The following DLEC1 variants were observed in gnomAD, a reference collection of about 807,000 sequenced individuals.
The protein encoded by DLEC1 is deleted in lung and esophageal cancer protein 1.
A neutral mutation model predicts 198.1 loss-of-function variants in DLEC1; 146 were observed. The observed-to-expected ratio is 0.74, with a 90% CI of 0.64 to 0.85. DLEC1 has a LOEUF of 0.85. DLEC1 is among the 40% of genes least tolerant of loss of function. The pLI is 0.00. For missense variants in DLEC1, 2,233 were observed against 2,220.0 expected (o/e 1.01, Z -0.12); for synonymous variants, 897 against 866.8 (o/e 1.03, Z -0.61).
Position 38,107,614 on chromosome 3 carries a change from G to T in DLEC1, c.2895G>T (p.Lys965Asn). Residue 965 changes from lysine to asparagine, a missense_variant, in exon 20 of 37, where the codon AAG (lysine) becomes AAT (asparagine). Physicochemically the swap from Lys to Asn is moderately conservative, Grantham distance 94 (BLOSUM62 0). Coordinates refer to ENST00000308059, the MANE Select transcript of DLEC1 (RefSeq NM_007335.4). ...TTCCTGTGTATGCTGAGGTACAGAA[G>T]CCCCATGTGTACCTACAGAGCAGCC... ...SYLPVYAEVQ[K>N]PHVYLQSSQV... is the part of the protein sequence containing the mutation. 6.2e-7 allele frequency: 1 copy of T among 1,613,316 alleles called. No homozygotes were observed. The highest frequency in any genetic ancestry group is 1.1e-5 in the South Asian group (1 of 90,950).
At chr3:38,113,974 C>T (rs1297250432) in intron 25 of DLEC1, among the ~76,000 whole-genome samples, 2 of 151,832 alleles carry the variant, frequency 1.3e-5, no homozygotes, top group African/African-American at 4.8e-5. Context: ...CTACCAGAGG[C>T]CGAAGAGCCT....
rs1395479658 is a variant in DLEC1, at chr3:38,122,570, C to T, written c.*158C>T. 2 of 1,599,344 alleles carry T rather than the reference C, an allele frequency of 1.3e-6. No individual in the cohort carries two copies. Among genetic ancestry groups the T allele is most frequent in the African/African-American group, 1.4e-5 (1 of 72,156 alleles). Reference sequence around the variant, plus strand: ...AACCCCCTTCCACAATGGTCTCAGCCTAGGCCCTCATGATATGTCCTCAGA... The same window carrying T: ...AACCCCCTTCCACAATGGTCTCAGCTTAGGCCCTCATGATATGTCCTCAGA... On this transcript the variant is annotated 3_prime_UTR_variant, in exon 37 of 37. Coordinates refer to ENST00000308059, the MANE Select transcript of DLEC1 (RefSeq NM_007335.4).
intron 9 of DLEC1, among the ~76,000 whole-genome samples, chr3:38,087,174 C>T (rs1698501926): frequency 6.6e-6 from 1 of 152,218 alleles, no homozygotes; most frequent in Non-Finnish European, 1.5e-5. Flanking sequence ...CACTGTGAGC[C>T]TGTTGGCCAG....
At chr3:38,082,467 C>T (rs1222317095) in intron 6 of DLEC1, among the ~76,000 whole-genome samples, 1 of 152,050 alleles carries the variant, frequency 6.6e-6, no homozygotes, top group Non-Finnish European at 1.5e-5. Flanking sequence ...CCCTCGGGCC[C>T]CGCGGGGCCC....
rs376309726 is a variant in DLEC1 at position 38,059,802 on chromosome 3, C to G, written c.623C>G (p.Ser208Cys). 2 of 1,614,000 alleles carry G rather than the reference C, an allele frequency of 1.2e-6. No individual in the cohort carries two copies. Among genetic ancestry groups the G allele is most frequent in the Admixed American group, 1.7e-5 (1 of 59,998 alleles). Reference protein sequence around the residue: ...SELLRKHHLISPEDYYTDTVP... With the variant: ...SELLRKHHLICPEDYYTDTVP... The stretch of plus-strand genomic sequence containing the variant: ...TTGCTACGGAAACATCATTTGATCT[C>G]CCCAGAAGATTACTACACCGATACA... Residue 208 changes from serine to cysteine, a missense_variant, in exon 3 of 37, where the codon TCC (serine) becomes TGC (cysteine). Ser to Cys is a moderately radical substitution (Grantham distance 112). Coordinates refer to ENST00000308059, the MANE Select transcript of DLEC1 (RefSeq NM_007335.4).
At chr3:38,062,493 C>T in intron 4 of DLEC1, 88 bp from the exon 5 acceptor site, 1 of 1,571,634 alleles carries the variant, frequency 6.4e-7, no homozygotes, top group African/African-American at 1.4e-5. Context: ...CTTGTGTTGG[C>T]CATCTATGGG....
chr3:38,065,102 T>C (rs9756548), intron 6 of DLEC1, among the ~76,000 whole-genome samples: 62,736 of 152,106 alleles, frequency 0.41, 13,455 homozygotes, highest in East Asian at 0.6. Context: ...CTCGGGAGGC[T>C]GAGGCTGGCA....
chr3:38,116,343 TG>T, intron 27 of DLEC1, 109 bp from the exon 28 acceptor site: 1 of 1,035,472 alleles, frequency 9.7e-7, no homozygotes, highest in Non-Finnish European at 1.4e-6. Context: ...CCCCTCCACC[TG>T]GGTATGGGAG....
intron 2 of DLEC1, among the ~76,000 whole-genome samples, chr3:38,049,072 G>A (rs928535464): frequency 5.3e-4 from 62 of 116,924 alleles, no homozygotes; most frequent in Non-Finnish European, 2.9e-4. Context: ...TAACTATTTG[G>A]GTTTTTTTTT....
At position 38,110,102 on chromosome 3, in the gene DLEC1, A is replaced by T. The variant is rs1699782384; in HGVS notation, c.3264A>T (p.Thr1088=). 8 of 1,613,914 alleles carry T rather than the reference A, an allele frequency of 5.0e-6. No individual in the cohort carries two copies. Among genetic ancestry groups the T allele is most frequent in the Non-Finnish European group, 5.9e-6 (7 of 1,180,010 alleles). ...GGGCACAGGACAGTGTTTTCAGCAC[A>T]GAGCAGTGGCCAGGCCACCCAAAGG... ...TISKESSDCS[T]EQWPGHPKEL... Residue 1088 remains threonine (T), a synonymous_variant, in exon 23 of 37, where the codon ACA becomes ACT. Transcript: ENST00000308059.
chr3:38,040,208 T>C (rs1700590083), intron 1 of DLEC1, among the ~76,000 whole-genome samples: 1 of 152,202 alleles, frequency 6.6e-6, no homozygotes, highest in Admixed American at 6.5e-5. Context: ...TACCCCGGTG[T>C]GCTTCCTGCC....
chr3:38,089,847 CAT>C (rs1698653166), intron 10 of DLEC1, among the ~76,000 whole-genome samples: 1 of 152,102 alleles, frequency 6.6e-6, no homozygotes, highest in African/African-American at 2.4e-5. Context: ...AAAATGTATT[CAT>C]AGTTCCAAAT....
chr3:38,095,032 C>T lies in DLEC1; in HGVS notation c.2073C>T (p.His691=). The part of the protein sequence containing the change: ...IMPRKGVLSP[H]TDHEFILSFS... The stretch of plus-strand genomic sequence containing the variant: ...CCAGAAAGGGGGTTCTAAGCCCCCA[C>T]ACAGACCACGAGTTCATCCTGAGCT... The change falls in exon 13 of 37, where the codon CAC becomes CAT. Residue 691 remains histidine, a synonymous_variant. Coordinates refer to ENST00000308059, the MANE Select transcript of DLEC1 (RefSeq NM_007335.4). 1 of 1,614,254 alleles carries T rather than the reference C, an allele frequency of 6.2e-7. No individual in the cohort carries two copies. The highest frequency in any genetic ancestry group is 1.3e-5 in the African/African-American group (1 of 75,080).
rs924205762 is a variant in DLEC1 at position 38,112,874 on chromosome 3, G to T, written c.3666+513G>T. Among the ~76,000 whole-genome samples, 1 of 152,146 alleles carries T rather than the reference G, an allele frequency of 6.6e-6. No homozygotes were observed. The highest frequency in any genetic ancestry group is 1.5e-5 in the Non-Finnish European group (1 of 68,030). On this transcript the variant is annotated intron_variant, in intron 25 of 36. Coordinates refer to ENST00000308059, the MANE Select transcript of DLEC1 (RefSeq NM_007335.4). This position sits in a 1 kb window ranked among gnomAD's most constrained non-coding sequence, Gnocchi z 4.8. ...AGGGATGAATAAGGTAACCAGCAAGGCACCCCTAGTTTAGTCTGGAGGGAT... is the reference window on the plus strand; with the variant it reads ...AGGGATGAATAAGGTAACCAGCAAGTCACCCCTAGTTTAGTCTGGAGGGAT...
At chr3:38,105,018 T>C (rs1321420657) in intron 19 of DLEC1, among the ~76,000 whole-genome samples, 2 of 152,122 alleles carry the variant, frequency 1.3e-5, no homozygotes, top group Admixed American at 1.3e-4. Flanking sequence ...TTCATTGATA[T>C]AAAAGTATTT....
intron 2 of DLEC1, among the ~76,000 whole-genome samples, chr3:38,055,714 G>A (rs1203255628): frequency 1.3e-5 from 2 of 152,044 alleles, no homozygotes; most frequent in South Asian, 2.1e-4. Flanking sequence ...CGTGAGCAAC[G>A]GAAAGCAACG....
chr3:38,062,874 G>C (rs895636761), intron 5 of DLEC1, 73 bp downstream of exon 5: 1 of 1,517,040 alleles, frequency 6.6e-7, no homozygotes, highest in African/African-American at 1.4e-5. Flanking sequence ...CCTCCGTTTG[G>C]TCTGGCTGTA....
intron 6 of DLEC1, among the ~76,000 whole-genome samples, chr3:38,080,375 A>G (rs1697904217): frequency 1.3e-5 from 2 of 152,280 alleles, no homozygotes; most frequent in South Asian, 2.1e-4. Context: ...GAAAGACTCA[A>G]TGATGCTTGG....
intron 18 of DLEC1, among the ~76,000 whole-genome samples, chr3:38,098,395 T>C (rs1575198851): frequency 6.6e-6 from 1 of 152,294 alleles, no homozygotes. Flanking sequence ...CACTTTTCAC[T>C]ATAAAAGTAG....
Sources: allele counts gnomAD v4.1 joint callset (sites outside exome capture counted in the v4.1 genomes callset), GRCh38; gene constraint gnomAD v4.1.1; non-coding constraint Gnocchi (gnomAD v3.1); transcripts MANE v1.5; gene names NCBI Gene and HGNC (gene_info 2026-07-23, HGNC 2026-07-21).